The following CDH18 variants were observed in gnomAD, a reference collection of about 807,000 sequenced individuals.
CDH18 encodes cadherin-18.
In CDH18, 31 loss-of-function variants were observed where a neutral mutation model predicts 67.9. That is an observed-to-expected ratio of 0.46 (90% CI 0.34 to 0.62). The LOEUF is 0.62. Ranked by LOEUF, CDH18 falls within the 20% of genes least tolerant of loss-of-function variation. The probability of loss-of-function intolerance (pLI) is 0.01; values close to 1 mark genes in which losing one functional copy is unlikely to be tolerated. For synonymous variants in CDH18, 362 were observed against 347.2 expected (o/e 1.04, Z -0.48); for missense variants, 890 against 975.5 (o/e 0.91, Z 1.17).
intron 3 of CDH18, among the ~76,000 whole-genome samples, chr5:19,821,931 T>C (rs1422907316): frequency 6.6e-6 from 1 of 152,150 alleles, no homozygotes; most frequent in Non-Finnish European, 1.5e-5. Context: ...TTCCTACCAC[T>C]AGACCAGCCT....
In CDH18 at chr5:20,503,235, T is replaced by C. The variant is rs566639378; in HGVS notation, c.-580+72227A>G. ...CTAAACATGTAATAACTTAGCTTTT[T>C]ATTTCTTTTTTTTTTTACATTTTCC... is the stretch of plus-strand genomic sequence containing the variant. On this transcript the variant is annotated intron_variant, in intron 1 of 14. Transcript: ENST00000507958. Among the ~76,000 whole-genome samples, 9 of 117,358 alleles carry C rather than the reference T, an allele frequency of 7.7e-5. No individual in the cohort carries two copies. The South Asian group carries it at 1.9e-3, about 25-fold the overall frequency. 77.0% of individuals were successfully genotyped at this position (117,358 alleles called of 152,430 possible).
intron 2 of CDH18, among the ~76,000 whole-genome samples, chr5:19,857,260 A>G (rs981064840): frequency 2.0e-5 from 3 of 152,142 alleles, no homozygotes; most frequent in African/African-American, 7.2e-5. Context: ...AAAAAAAAAA[A>G]AAAAAGTTGA....
At chr5:20,466,687 G>C (rs556307971) in intron 1 of CDH18, among the ~76,000 whole-genome samples, 1 of 151,910 alleles carries the variant, frequency 6.6e-6, no homozygotes, top group Non-Finnish European at 1.5e-5. Flanking sequence ...GGAGTGTTGC[G>C]TCATCAGAGA....
chr5:20,518,274 G>C (rs890133163), intron 1 of CDH18, among the ~76,000 whole-genome samples: 2 of 151,990 alleles, frequency 1.3e-5, no homozygotes, highest in East Asian at 1.9e-4. Context: ...ATAATAACTA[G>C]AATAATAGTT....
chr5:20,367,943 G>T (rs887477692), intron 1 of CDH18, among the ~76,000 whole-genome samples: 5 of 152,158 alleles, frequency 3.3e-5, no homozygotes, highest in Non-Finnish European at 7.3e-5. Flanking sequence ...ATGCATTGAT[G>T]TCTCTGCCTT....
At chr5:19,693,440 T>G (rs1455038532) in intron 5 of CDH18, among the ~76,000 whole-genome samples, 2 of 152,336 alleles carry the variant, frequency 1.3e-5, no homozygotes, top group Admixed American at 6.5e-5. Context: ...CATTTCTAAT[T>G]GGGAAACATT....
intron 2 of CDH18, among the ~76,000 whole-genome samples, chr5:20,204,095 A>T (rs1445039018): frequency 6.6e-6 from 1 of 152,098 alleles, no homozygotes; most frequent in Non-Finnish European, 1.5e-5. Context: ...ATAATCATAG[A>T]AAACTTCTCA....
Position 19,534,127 on chromosome 5 carries a change from A to G in CDH18, c.1390+9742T>C, listed in dbSNP as rs967842526. Among the ~76,000 whole-genome samples the G allele has an allele frequency of 7.2e-5, 11 of 151,800 alleles. No individual in the cohort carries two copies. In the South Asian group the frequency reaches 2.3e-3, roughly 31 times the overall value. Reference sequence around the variant, plus strand: ...CATCAAATTGCTCCTTATTGTGTAGAACCTAAAAGGTATGAAAGGAGTTAA... The same window carrying G: ...CATCAAATTGCTCCTTATTGTGTAGGACCTAAAAGGTATGAAAGGAGTTAA... On this transcript the variant is annotated intron_variant, in intron 9 of 12. Transcript: ENST00000382275.
intron 2 of CDH18, among the ~76,000 whole-genome samples, chr5:20,130,152 T>C (rs1749151543): frequency 6.6e-6 from 1 of 151,308 alleles, no homozygotes. Flanking sequence ...GGCTTCTCTA[T>C]ACAAATACTC....
chr5:20,227,485 A>G (rs572725606), intron 2 of CDH18, among the ~76,000 whole-genome samples: 1 of 152,092 alleles, frequency 6.6e-6, no homozygotes, highest in Non-Finnish European at 1.5e-5. Context: ...ATTCAACAGT[A>G]TATGTCTTAA....
chr5:20,133,268 G>T (rs1466843915), intron 2 of CDH18, among the ~76,000 whole-genome samples: 4 of 152,174 alleles, frequency 2.6e-5, no homozygotes, highest in Non-Finnish European at 5.9e-5. Flanking sequence ...CCACATGGTT[G>T]GGGAGGCCCC....
intron 1 of CDH18, among the ~76,000 whole-genome samples, chr5:20,340,692 G>C (rs1740181765): frequency 6.6e-6 from 1 of 152,150 alleles, no homozygotes; most frequent in Non-Finnish European, 1.5e-5. Flanking sequence ...AGCCTCAGGT[G>C]ATTCTGGAGG....
intron 2 of CDH18, among the ~76,000 whole-genome samples, chr5:20,091,936 CT>C (rs35963694): frequency 6.6e-6 from 1 of 152,032 alleles, no homozygotes; most frequent in African/African-American, 2.4e-5. Context: ...CTGGGAGGAC[CT>C]TTTTAAAATT....
At chr5:19,701,415 C>T (rs1403417728) in intron 5 of CDH18, among the ~76,000 whole-genome samples, 3 of 151,936 alleles carry the variant, frequency 2.0e-5, no homozygotes, top group Non-Finnish European at 4.4e-5. Flanking sequence ...AAAAATATGG[C>T]CCAAAGAGTG....
intron 2 of CDH18, among the ~76,000 whole-genome samples, chr5:19,845,496 TG>T (rs1782831911): frequency 1.3e-5 from 2 of 152,244 alleles, no homozygotes. Flanking sequence ...TGCAGTTGGG[TG>T]TAATGTTCCA....
chr5:19,928,511 T>C (rs73762444), intron 2 of CDH18, among the ~76,000 whole-genome samples: 5,688 of 152,164 alleles, frequency 0.037, 260 homozygotes, highest in African/African-American at 0.1. Flanking sequence ...ATCCTGAAAG[T>C]TCTATCAGTA....
At chr5:20,390,509 G>C (rs1744750844) in intron 1 of CDH18, among the ~76,000 whole-genome samples, 1 of 152,164 alleles carries the variant, frequency 6.6e-6, no homozygotes, top group Non-Finnish European at 1.5e-5. Flanking sequence ...AGAGGATGTG[G>C]AGAAATAGGA....
chr5:19,738,570 T>C (rs1340288005), intron 4 of CDH18, among the ~76,000 whole-genome samples: 3 of 152,212 alleles, frequency 2.0e-5, no homozygotes, highest in African/African-American at 7.2e-5. Context: ...GATGTACCAA[T>C]TAAATCTGTA....
intron 11 of CDH18, among the ~76,000 whole-genome samples, chr5:19,496,388 T>C (rs1382487530): frequency 6.6e-6 from 1 of 152,178 alleles, no homozygotes; most frequent in Non-Finnish European, 1.5e-5. Flanking sequence ...AGCTTGAATG[T>C]TTTTGTCCCG....
Sources: allele counts gnomAD v4.1 joint callset (sites outside exome capture counted in the v4.1 genomes callset), GRCh38; gene constraint gnomAD v4.1.1; transcripts MANE v1.5; gene names NCBI Gene and HGNC (gene_info 2026-07-23, HGNC 2026-07-21).